COBL: variants seen among roughly 807,000 people sequenced by gnomAD.
COBL encodes cordon-bleu WH2 repeat protein, also known as protein cordon-bleu.
COBL carries 51 observed loss-of-function variants against 98.8 expected under a neutral mutation model. That is an observed-to-expected ratio of 0.52 (90% CI 0.41 to 0.65). The LOEUF (loss-of-function observed/expected upper bound fraction) is 0.65, where lower values mean the gene tolerates loss of function less well. Ranked by LOEUF, COBL falls within the 30% of genes least tolerant of loss-of-function variation. The pLI is 0.00. For missense variants in COBL, 1,617 were observed against 1,617.5 expected (o/e 1.00, Z 0.01); for synonymous variants, 634 against 651.7 (o/e 0.97, Z 0.41).
chr7:51,169,848 T>C (rs930468855), intron 5 of COBL, among the ~76,000 whole-genome samples: 1 of 152,242 alleles, frequency 6.6e-6, no homozygotes, highest in Admixed American at 6.5e-5. Flanking sequence ...GTAACTGAAT[T>C]GTTTGTAACA....
intron 5 of COBL, chr7:51,172,418 C>G: frequency 8.1e-7 from 1 of 1,229,720 alleles, no homozygotes; most frequent in Non-Finnish European, 1.1e-6. Context: ...AAGTTCCAAG[C>G]AATTAGCGGA....
intron 1 of COBL, among the ~76,000 whole-genome samples, chr7:51,287,103 G>A (rs74616763): frequency 0.1 from 15,313 of 152,190 alleles, 1,038 homozygotes; most frequent in East Asian, 0.3. Flanking sequence ...CACTGGCGAT[G>A]TTGGAGGTGG....
At chr7:51,173,548 A>G (rs1436507589) in intron 5 of COBL, among the ~76,000 whole-genome samples, 2 of 152,158 alleles carry the variant, frequency 1.3e-5, no homozygotes, top group Non-Finnish European at 2.9e-5. Context: ...ATTTCACCAA[A>G]TATCTCACTC....
intron 1 of COBL, among the ~76,000 whole-genome samples, chr7:51,252,862 C>T (rs1221440755): frequency 6.6e-6 from 1 of 152,122 alleles, no homozygotes; most frequent in Non-Finnish European, 1.5e-5. Context: ...CAATCTTTCA[C>T]CCGGTGATTT....
At chr7:51,194,735 G>A (rs566951391) in intron 2 of COBL, among the ~76,000 whole-genome samples, 1 of 152,078 alleles carries the variant, frequency 6.6e-6, no homozygotes, top group African/African-American at 2.4e-5. Flanking sequence ...TTTTTTTCAT[G>A]TTTGTTGGCC....
intron 2 of COBL, among the ~76,000 whole-genome samples, chr7:51,208,404 C>G (rs1026521043): frequency 7.5e-6 from 1 of 132,956 alleles, no homozygotes; most frequent in Non-Finnish European, 1.7e-5. Flanking sequence ...GTCAGCCCCC[C>G]GCCCGGCCAG....
At chr7:51,149,839 G>A (rs896207312) in intron 5 of COBL, among the ~76,000 whole-genome samples, 1 of 152,162 alleles carries the variant, frequency 6.6e-6, no homozygotes, top group Admixed American at 6.5e-5. Context: ...TGGCCAGGCT[G>A]GTCTTGAACT....
intron 1 of COBL, chr7:51,260,175 G>A: frequency 2.2e-6 from 2 of 926,370 alleles, no homozygotes; most frequent in Non-Finnish European, 3.4e-6. Context: ...TATCTTTCTA[G>A]AGTTGTAGCT....
intron 1 of COBL, among the ~76,000 whole-genome samples, chr7:51,221,946 T>C (rs1024122774): frequency 4.6e-5 from 7 of 152,066 alleles, no homozygotes; most frequent in African/African-American, 1.4e-4. Flanking sequence ...CCAGCATTTA[T>C]GGGAGGCCAA....
Position 51,316,754 on chromosome 7 carries a change from G to A in COBL, c.-121C>T. The A allele has an allele frequency of 1.3e-6, 1 of 771,378 alleles. No individual in the cohort carries two copies. Among genetic ancestry groups the A allele is most frequent in the African/African-American group, 1.8e-5 (1 of 54,430 alleles). 47.8% of individuals were successfully genotyped at this position (771,378 alleles called of 1,614,324 possible). On this transcript the variant is annotated 5_prime_UTR_variant, in exon 1 of 13. Coordinates refer to ENST00000265136, the MANE Select transcript of COBL (RefSeq NM_015198.5). ...CGCTGACCCATCGTCCTCCCACGCGGGCCGGCGGAGGACAGCGGCGGAGCG... is the reference window on the plus strand; with the variant it reads ...CGCTGACCCATCGTCCTCCCACGCGAGCCGGCGGAGGACAGCGGCGGAGCG...
intron 7 of COBL, among the ~76,000 whole-genome samples, chr7:51,051,094 C>T (rs572456802): frequency 3.3e-5 from 5 of 152,244 alleles, no homozygotes; most frequent in South Asian, 2.1e-4. Context: ...AGCTCTCTTG[C>T]GTCTGAAGGC....
chr7:51,078,032 T>C (rs1399397063), intron 7 of COBL, among the ~76,000 whole-genome samples: 1 of 152,164 alleles, frequency 6.6e-6, no homozygotes, highest in Non-Finnish European at 1.5e-5. Flanking sequence ...TAGTGCGCAC[T>C]GCTGGCTGTT....
At chr7:51,259,728 C>A in intron 1 of COBL, 2 of 741,678 alleles carry the variant, frequency 2.7e-6, no homozygotes, top group Admixed American at 1.7e-5. Context: ...AGTTCCCAGG[C>A]AGACTTCAGA....
At chr7:51,055,036 C>T (rs1157086429) in intron 7 of COBL, among the ~76,000 whole-genome samples, 1 of 152,112 alleles carries the variant, frequency 6.6e-6, no homozygotes, top group Non-Finnish European at 1.5e-5. Context: ...TTTTAGGAGC[C>T]AAGGGAGCAG....
At chr7:51,238,994 A>C (rs1197248842) in intron 1 of COBL, among the ~76,000 whole-genome samples, 1 of 152,222 alleles carries the variant, frequency 6.6e-6, no homozygotes, top group Non-Finnish European at 1.5e-5. Flanking sequence ...TAAAAAGTAA[A>C]TTATATAAAC....
intron 7 of COBL, chr7:51,071,166 T>C (rs1258308436): frequency 6.6e-6 from 1 of 152,110 alleles, no homozygotes; most frequent in African/African-American, 2.4e-5. Flanking sequence ...ATAGGGTGTA[T>C]GACATGATGG....
intron 5 of COBL, among the ~76,000 whole-genome samples, chr7:51,146,007 G>A (rs1162164028): frequency 6.6e-6 from 1 of 152,146 alleles, no homozygotes; most frequent in East Asian, 1.9e-4. Flanking sequence ...GCCCAGGCTG[G>A]AGGTGGCTCA....
intron 4 of COBL, among the ~76,000 whole-genome samples, chr7:51,186,939 G>C (rs1246313404): frequency 2.0e-5 from 3 of 152,192 alleles, no homozygotes; most frequent in Non-Finnish European, 4.4e-5. Flanking sequence ...ACACACGCAA[G>C]TGAGCTCTAG....
At chr7:51,286,265 T>C (rs1800350308) in intron 1 of COBL, among the ~76,000 whole-genome samples, 1 of 151,542 alleles carries the variant, frequency 6.6e-6, no homozygotes, top group South Asian at 2.1e-4. Context: ...GCTGTACTTC[T>C]TCATAATTAA....
Sources: gnomAD v4.1 joint callset for allele counts (sites outside exome capture counted in the v4.1 genomes callset) on GRCh38, gnomAD v4.1.1 for gene constraint, MANE v1.5 for transcripts, NCBI Gene and HGNC (gene_info 2026-07-23, HGNC 2026-07-21) for gene names.